HMCN2: variants seen among roughly 807,000 people sequenced by gnomAD.
HMCN2 encodes hemicentin-2.
A neutral mutation model predicts 377.5 loss-of-function variants in HMCN2; 325 were observed. That is an observed-to-expected ratio of 0.86 (90% CI 0.79 to 0.94). The LOEUF is 0.94. Ranked by LOEUF, HMCN2 falls within the 40% of genes least tolerant of loss-of-function variation. HMCN2 has a pLI of 0.00. For missense variants in HMCN2, 4,543 were observed against 4,725.3 expected, an observed-to-expected ratio of 0.96 and a Z score of 1.13; for synonymous variants, 2,007 against 2,046.8, an observed-to-expected ratio of 0.98 and a Z score of 0.53.
At chr9:130,268,280 G>T (rs1834229285) in intron 1 of HMCN2, among the ~76,000 whole-genome samples, 1 of 152,198 alleles carries the variant, frequency 6.6e-6, no homozygotes. Context: ...CAGTTCTCCA[G>T]CCTTCACCAG....
chr9:130,315,979 T>C (rs1837541915), intron 15 of HMCN2, among the ~76,000 whole-genome samples: 3 of 152,136 alleles, frequency 2.0e-5, no homozygotes, highest in African/African-American at 7.2e-5. Context: ...CTTCAACATA[T>C]GGGTTTGTGG....
chr9:130,365,636 C>G lies in HMCN2; in HGVS notation c.6414C>G (p.Asp2138Glu). 1.0e-6 allele frequency: 1 copy of G among 986,014 alleles called. No individual in the cohort carries two copies. Among genetic ancestry groups the G allele is most frequent in the Non-Finnish European group, 1.2e-6 (1 of 830,032 alleles). The allele number at this position is 986,014 out of a possible 1,614,324, so 61.1% of individuals were successfully genotyped here. ...LSADKALLQV[D>E]RADVWDAGHY... The stretch of plus-strand genomic sequence containing the variant: ...GTGTCTTTGCTCTCTGCCAGGTGGA[C>G]AGAGCCGATGTGTGGGATGCGGGCC... The change falls in exon 42 of 98, where the codon GAC becomes GAG. Residue 2138 changes from aspartate to glutamate, a missense_variant. Physicochemically the swap from Asp to Glu is conservative, Grantham distance 45. This residue lies in a region of HMCN2 where 1,032 missense variants were observed against 1,285.1 expected (regional missense o/e 0.80). Transcript: ENST00000683500.
rs896115388 is a variant in HMCN2 at position 130,337,187 on chromosome 9, G to A, written c.3360-707G>A. 3.9e-3 allele frequency among the ~76,000 whole-genome samples: 595 copies of A among 152,304 alleles called. 9 individuals carry two copies. The highest frequency in any genetic ancestry group is 0.014 in the African/African-American group (565 of 41,568). ...CCCTTGGGGTCCAGCCCAGCTGCAG[G>A]AGCCTGGCTGGGGGTCCTCGATCCC... On this transcript the variant is annotated intron_variant, in intron 22 of 97. Coordinates refer to ENST00000683500, the MANE Select transcript of HMCN2 (RefSeq NM_001291815.2).
At chr9:130,430,095 T>C in intron 94 of HMCN2, 189 bp from the exon 95 acceptor site, 4 of 620,880 alleles carry the variant, frequency 6.4e-6, no homozygotes, top group Non-Finnish European at 1.1e-5. Context: ...CTCTGGGAGC[T>C]GTAGGTGGAA....
rs28613585 is a variant in HMCN2 at position 130,391,040 on chromosome 9, C to T, written c.9587C>T (p.Pro3196Leu). The change falls in exon 63 of 98, where the codon CCG becomes CTG. Residue 3196 changes from proline (P) to leucine (L), a missense_variant. Transcript: ENST00000683500. ...GGRLQLSRLQ[P>L]AQAGTYTCVA... ...CGCCTCCAGCTGAGCCGCCTGCAAC[C>T]GGCCCAGGCGGGCACCTACACGTGC... The T allele has an allele frequency of 0.039, 38,878 of 987,758 alleles. 2,000 individuals carry two copies. The highest frequency in any genetic ancestry group is 0.23 in the African/African-American group (13,368 of 57,344). 61.2% of individuals were successfully genotyped at this position (987,758 alleles called of 1,614,324 possible).
intron 1 of HMCN2, among the ~76,000 whole-genome samples, chr9:130,271,205 T>C (rs1350457919): frequency 2.0e-5 from 3 of 148,942 alleles, no homozygotes; most frequent in African/African-American, 7.3e-5. Flanking sequence ...GATAGTATTT[T>C]TCAGATTTCT....
chr9:130,298,870 G>A (rs1588197298), intron 7 of HMCN2, among the ~76,000 whole-genome samples, 155 bp from the exon 8 acceptor site: 1 of 152,148 alleles, frequency 6.6e-6, no homozygotes, highest in South Asian at 2.1e-4. Flanking sequence ...CACCCCCAGC[G>A]TTGGTCAGCA....
At chr9:130,403,901 G>A in intron 80 of HMCN2, 26 bp downstream of exon 80, 12 of 1,282,104 alleles carry the variant, frequency 9.4e-6, no homozygotes, top group Non-Finnish European at 1.1e-5. Context: ...GGGCCGAGGT[G>A]GGCCCTGGCA....
intron 61 of HMCN2, among the ~76,000 whole-genome samples, chr9:130,387,026 G>T (rs563336331): frequency 6.6e-6 from 1 of 152,314 alleles, no homozygotes; most frequent in East Asian, 1.9e-4. Context: ...CTGGGCACAG[G>T]GCCTGGCATG....
intron 93 of HMCN2, chr9:130,429,356 T>C (rs956436423): frequency 2.1e-5 from 13 of 633,798 alleles, no homozygotes; most frequent in African/African-American, 1.8e-4. Flanking sequence ...CCCCTTCCTT[T>C]CTCTGGGACC....
In HMCN2 at chr9:130,318,274, G is replaced by A. The variant is rs1054754119; in HGVS notation, c.2351-1221G>A. Among the ~76,000 whole-genome samples the A allele has an allele frequency of 2.6e-5, 4 of 152,150 alleles. No individual in the cohort carries two copies. The South Asian group carries it at 8.3e-4, about 32-fold the overall frequency. ...TGATGTCATGATTTGGATGGATGAAGGGTATTTCTGGAGACAGATGGAAAG... is the reference window on the plus strand; with the variant it reads ...TGATGTCATGATTTGGATGGATGAAAGGTATTTCTGGAGACAGATGGAAAG... On this transcript the variant is annotated intron_variant, in intron 15 of 97. Coordinates refer to ENST00000683500, the MANE Select transcript of HMCN2 (RefSeq NM_001291815.2).
chr9:130,414,766 C>A lies in HMCN2; in HGVS notation c.12962-4006C>A, dbSNP rs1374784942. ...TGCAGGCACGTGCCACCACACCCGG[C>A]TAATTTTTATTTTTATGTATTTATT... On this transcript the variant is annotated intron_variant, in intron 85 of 97. Coordinates refer to ENST00000683500, the MANE Select transcript of HMCN2 (RefSeq NM_001291815.2). This position sits in a 1 kb window ranked among gnomAD's most constrained non-coding sequence, Gnocchi z 4.4. Among the ~76,000 whole-genome samples the A allele has an allele frequency of 6.6e-6, 1 of 152,036 alleles. No individual in the cohort carries two copies. The highest frequency in any genetic ancestry group is 6.6e-5 in the Admixed American group (1 of 15,262).
chr9:130,417,542 A>C (rs867650532), intron 85 of HMCN2, among the ~76,000 whole-genome samples: 4,861 of 149,558 alleles, frequency 0.033, 319 homozygotes, highest in African/African-American at 0.12. Context: ...AAAAAACAAA[A>C]AAAAACGAGA....
chr9:130,326,694 T>C (rs1056566263), intron 21 of HMCN2, among the ~76,000 whole-genome samples: 86 of 152,236 alleles, frequency 5.6e-4, no homozygotes, highest in Non-Finnish European at 1.0e-3. Context: ...GCTTCTTTCA[T>C]TGTTGCTGCT....
intron 45 of HMCN2, 76 bp from the exon 46 acceptor site, chr9:130,370,888 C>T (rs917040104): frequency 1.1e-6 from 1 of 902,606 alleles, no homozygotes; most frequent in Non-Finnish European, 1.3e-6. Context: ...GGGGGGCAGT[C>T]AGTGGGGCTG....
intron 33 of HMCN2, 78 bp downstream of exon 33, chr9:130,355,932 C>A: frequency 2.0e-6 from 2 of 997,512 alleles, no homozygotes; most frequent in Non-Finnish European, 2.8e-6. Context: ...GGGAAGTGGA[C>A]AGGAGAGAGG....
At position 130,391,213 on chromosome 9, in the gene HMCN2, G is replaced by A. The variant is rs1406765837; in HGVS notation, c.9677G>A (p.Arg3226Gln). 8.1e-6 allele frequency: 8 copies of A among 987,928 alleles called. No individual in the cohort carries two copies. Among genetic ancestry groups the A allele is most frequent in the Non-Finnish European group, 9.6e-6 (8 of 830,250 alleles). The allele number at this position is 987,928 out of a possible 1,614,324, so 61.2% of individuals were successfully genotyped here. The change falls in exon 64 of 98, where the codon CGG (arginine) becomes CAG (glutamine). Residue 3226 changes from arginine (R) to glutamine (Q), a missense_variant. By Grantham distance (43) the Arg-to-Gln change is conservative. Around this residue, in one of 5 missense-constraint regions of HMCN2, gnomAD observed 736 missense variants for 773.2 expected, o/e 0.95. Transcript: ENST00000683500. Reference protein sequence around the residue: ...DFVVAVLVAPRIRSSGVAREH... With the variant: ...DFVVAVLVAPQIRSSGVAREH... The stretch of plus-strand genomic sequence containing the variant: ...TGCACCCCTGCCTCAGTGGCCCCCC[G>A]GATCCGGAGCTCGGGCGTGGCGCGG...
At chr9:130,286,493 T>A (rs1466471631) in intron 4 of HMCN2, among the ~76,000 whole-genome samples, 183 bp downstream of exon 4, 3 of 152,226 alleles carry the variant, frequency 2.0e-5, no homozygotes, top group Non-Finnish European at 2.9e-5. Context: ...TGTGCTCAGG[T>A]GCCACCACAT....
chr9:130,425,656 T>TCCCC, intron 89 of HMCN2, 31 bp from the exon 90 acceptor site: 1 of 330,036 alleles, frequency 3.0e-6, no homozygotes, highest in South Asian at 2.6e-5. Flanking sequence ...CCCCCACCCC[T>TCCCC]CCTCCTCCTC....
Sources: allele counts gnomAD v4.1 joint callset (sites outside exome capture counted in the v4.1 genomes callset), GRCh38; gene constraint gnomAD v4.1.1; regional missense constraint gnomAD v4.1.1; non-coding constraint Gnocchi (gnomAD v3.1); transcripts MANE v1.5; gene names NCBI Gene and HGNC (gene_info 2026-07-23, HGNC 2026-07-21).